TCF7: variants seen among roughly 807,000 people sequenced by gnomAD.
The protein encoded by TCF7 is T-cell-factor-7.
In TCF7, 19 loss-of-function variants were observed where a neutral mutation model predicts 46.8. The ratio of observed to expected loss-of-function variants is 0.41; its 90% CI spans 0.28 to 0.60. The LOEUF (loss-of-function observed/expected upper bound fraction) is 0.60. TCF7 is among the 20% of genes least tolerant of loss of function. The pLI, the probability that TCF7 is intolerant of heterozygous loss-of-function variation, is 0.35. For missense variants in TCF7, 547 were observed against 504.6 expected (o/e 1.08, Z -0.81); for synonymous variants, 245 against 213.4 (o/e 1.15, Z -1.29).
chr5:134,130,182 C>T (rs558182502), intron 3 of TCF7, among the ~76,000 whole-genome samples: 2 of 152,348 alleles, frequency 1.3e-5, no homozygotes, highest in South Asian at 4.1e-4. Flanking sequence ...AGTATATCTG[C>T]AGAGATGGGG....
chr5:134,144,772 AC>A (rs762937749), intron 9 of TCF7: 1 of 1,605,448 alleles, frequency 6.2e-7, no homozygotes, highest in Non-Finnish European at 8.5e-7. Flanking sequence ...GCCCTGCTCT[AC>A]CCCTCTGGCA....
rs922192709 is a variant in TCF7, at chr5:134,146,925, T to C, written c.*622T>C. Reference sequence around the variant, plus strand: ...ACACCCTCCCCATTCAGACACTTCATGGACCAAGAATGAGCTGGTTTGTCA... The same window carrying C: ...ACACCCTCCCCATTCAGACACTTCACGGACCAAGAATGAGCTGGTTTGTCA... On this transcript the variant is annotated 3_prime_UTR_variant, in exon 10 of 10. Transcript: ENST00000342854. 4.4e-5 allele frequency: 10 copies of C among 224,968 alleles called. No homozygotes were observed. The highest frequency in any genetic ancestry group is 8.7e-6 in the Non-Finnish European group (1 of 115,340). The allele number at this position is 224,968 out of a possible 1,614,324, so 13.9% of individuals were successfully genotyped here.
chr5:134,114,686 G>GCCGGCGGCGCCTTTGATGTTCCGAC lies in TCF7; in HGVS notation c.-217_-193dup. On this transcript the variant is annotated 5_prime_UTR_variant, in exon 1 of 10. In the 5' UTR this introduces an upstream ATG that the reference lacks. Coordinates refer to ENST00000342854, the MANE Select transcript of TCF7 (RefSeq NM_003202.5). ...GTGCCCGCCCCGCCCCCGGCACTCGGCCGGCGGCGCCTTTGATGTTCCGAC... is the reference window on the plus strand; with the variant it reads ...GTGCCCGCCCCGCCCCCGGCACTCGGCCGGCGGCGCCTTTGATGTTCCGACCCGGCGGCGCCTTTGATGTTCCGAC... The GCCGGCGGCGCCTTTGATGTTCCGAC allele has an allele frequency of 9.9e-6, 2 of 201,828 alleles. No individual in the cohort carries two copies. The highest frequency in any genetic ancestry group is 1.7e-5 in the Non-Finnish European group (2 of 115,464). The allele number at this position is 201,828 out of a possible 1,614,324, so 12.5% of individuals were successfully genotyped here.
At chr5:134,115,787 C>A in intron 2 of TCF7, 122 bp from the exon 3 acceptor site, 1 of 1,535,394 alleles carries the variant, frequency 6.5e-7, no homozygotes, top group South Asian at 1.3e-5. Context: ...CCAGCCCGTT[C>A]CTTCCCAAGT....
At chr5:134,116,062 C>T (rs1755793343) in intron 3 of TCF7, 29 bp downstream of exon 3, 1 of 1,597,916 alleles carries the variant, frequency 6.3e-7, no homozygotes, top group Non-Finnish European at 8.5e-7. Context: ...CAGTGCCGCC[C>T]TGTGCTTGCA....
chr5:134,118,731 C>T (rs949394989), intron 3 of TCF7, among the ~76,000 whole-genome samples: 1 of 152,100 alleles, frequency 6.6e-6, no homozygotes. Context: ...GGCTTGCAGG[C>T]AGTTACTGGC....
chr5:134,140,422 A>ACTT, intron 5 of TCF7: 1 of 192,516 alleles, frequency 5.2e-6, no homozygotes, highest in South Asian at 8.0e-5. Flanking sequence ...CACTTAGCTA[A>ACTT]GGAAGACCTG....
chr5:134,125,234 T>G (rs1347772524), intron 3 of TCF7, among the ~76,000 whole-genome samples: 1 of 152,228 alleles, frequency 6.6e-6, no homozygotes, highest in Non-Finnish European at 1.5e-5. Context: ...GGGCCCAGCC[T>G]CCTGGCCTGC....
chr5:134,143,338 G>C, intron 8 of TCF7: 1 of 774,250 alleles, frequency 1.3e-6, no homozygotes, highest in Non-Finnish European at 2.3e-6. Context: ...TGGGCCACAT[G>C]GGCAGAAGGG....
At chr5:134,144,871 T>C in intron 9 of TCF7, 2 of 1,613,872 alleles carry the variant, frequency 1.2e-6, no homozygotes, top group Non-Finnish European at 1.7e-6. Flanking sequence ...TCCGTGCAGG[T>C]GGGTTTGTCC....
Position 134,138,064 on chromosome 5 carries a change from G to A in TCF7, c.447G>A (p.Lys149=). The A allele has an allele frequency of 6.3e-7, 1 of 1,598,846 alleles. No homozygotes were observed. The highest frequency in any genetic ancestry group is 2.3e-5 in the East Asian group (1 of 44,058). ...CCCTCCTTCTCATTTTTCAGCACAA[G>A]GCCAATCAGCCCCCCCACGGTGTCC... ...QHPQPQPPLH[K]ANQPPHGVPQ... is the part of the protein sequence containing the mutation. Residue 149 remains lysine, a synonymous_variant, in exon 4 of 10, where the codon AAG becomes AAA. Transcript: ENST00000342854.
chr5:134,121,190 A>G (rs1756522666), intron 3 of TCF7, among the ~76,000 whole-genome samples: 2 of 151,790 alleles, frequency 1.3e-5, no homozygotes, highest in African/African-American at 4.8e-5. Context: ...ATTCTATCCT[A>G]CCACCCCAAA....
At chr5:134,130,091 T>C (rs1035249077) in intron 3 of TCF7, among the ~76,000 whole-genome samples, 12 of 152,184 alleles carry the variant, frequency 7.9e-5, no homozygotes, top group African/African-American at 2.9e-4. Flanking sequence ...TCCTGGGCAG[T>C]GGTGCCTGGA....
chr5:134,115,577 G>A, intron 2 of TCF7, 190 bp downstream of exon 2: 2 of 1,442,260 alleles, frequency 1.4e-6, no homozygotes, highest in Non-Finnish European at 1.8e-6. Context: ...CCGGTGCCCT[G>A]ACCTTTATAG....
At chr5:134,140,607 C>T (rs1759596232) in intron 5 of TCF7, 1 of 344,448 alleles carries the variant, frequency 2.9e-6, no homozygotes, top group African/African-American at 2.2e-5. Flanking sequence ...CATTTCCATC[C>T]CTCAAGCACC....
chr5:134,118,497 A>C (rs1279936560), intron 3 of TCF7, among the ~76,000 whole-genome samples: 2 of 152,184 alleles, frequency 1.3e-5, no homozygotes, highest in African/African-American at 2.4e-5. Flanking sequence ...TAGGATGCCC[A>C]TGTGGCTACT....
chr5:134,113,752 C>G (rs1258313153), upstream of TCF7, among the ~76,000 whole-genome samples: 1 of 152,236 alleles, frequency 6.6e-6, no homozygotes, highest in Non-Finnish European at 1.5e-5. Context: ...CAGGCACTTT[C>G]CCGCGCTCCG....
chr5:134,146,097 C>A lies in TCF7; in HGVS notation c.1076-127C>A. The A allele has an allele frequency of 6.2e-6, 10 of 1,600,110 alleles. No homozygotes were observed. The South Asian group carries it at 8.9e-5, about 14-fold the overall frequency. On this transcript the variant is annotated intron_variant, in intron 9 of 9. Coordinates refer to ENST00000342854, the MANE Select transcript of TCF7 (RefSeq NM_003202.5). ...ATGGCAGTCTGAGGACACTGACTTA[C>A]CACCCAAGTCCCAGGAAGAGAGGAC...
At chr5:134,118,353 T>A (rs1310474150) in intron 3 of TCF7, among the ~76,000 whole-genome samples, 5 of 152,210 alleles carry the variant, frequency 3.3e-5, no homozygotes, top group Non-Finnish European at 7.4e-5. Context: ...CCAGGCCCCC[T>A]TGCCCTTTGC....
Sources: gnomAD v4.1 joint callset for allele counts (sites outside exome capture counted in the v4.1 genomes callset) on GRCh38, gnomAD v4.1.1 for gene constraint, MANE v1.5 for transcripts, NCBI Gene and HGNC (gene_info 2026-07-23, HGNC 2026-07-21) for gene names.